CCSER1: variants seen among roughly 807,000 people sequenced by gnomAD.
CCSER1 encodes the protein coiled-coil serine rich protein 1.
CCSER1 carries 41 observed loss-of-function variants against 82.0 expected under a neutral mutation model. The ratio of observed to expected loss-of-function variants is 0.50; its 90% CI spans 0.39 to 0.65. CCSER1 has a LOEUF of 0.65. Among genes scored for constraint, CCSER1 ranks in the 30% least tolerant of loss-of-function variants. The probability of loss-of-function intolerance (pLI) is 0.00; values close to 1 mark genes in which losing one functional copy is unlikely to be tolerated. For synonymous variants in CCSER1, 414 were observed against 383.9 expected, an observed-to-expected ratio of 1.08 and a Z score of -0.92; for missense variants, 1,119 against 1,064.2, an observed-to-expected ratio of 1.05 and a Z score of -0.72.
chr4:91,146,495 G>C (rs1408665632), intron 10 of CCSER1, among the ~76,000 whole-genome samples: 1 of 152,084 alleles, frequency 6.6e-6, no homozygotes, highest in East Asian at 1.9e-4. Context: ...GAATCACTCA[G>C]GCTTTTTGAA....
chr4:91,057,351 G>T (rs923933869), intron 9 of CCSER1, among the ~76,000 whole-genome samples: 1 of 152,166 alleles, frequency 6.6e-6, no homozygotes, highest in Non-Finnish European at 1.5e-5. Flanking sequence ...TTCTCTCAGT[G>T]TAATTGTTGT....
chr4:90,489,789 G>C, intron 5 of CCSER1, among the ~76,000 whole-genome samples: 1 of 151,964 alleles, frequency 6.6e-6, no homozygotes, highest in Admixed American at 6.6e-5. Flanking sequence ...TTTTGTCCTT[G>C]CGATAGTTTG....
At chr4:91,302,805 C>T (rs1744770432) in intron 10 of CCSER1, among the ~76,000 whole-genome samples, 1 of 85,178 alleles carries the variant, frequency 1.2e-5, no homozygotes, top group Non-Finnish European at 2.3e-5. Flanking sequence ...ATTTTTTTCC[C>T]CTAGATCTTT....
intron 9 of CCSER1, among the ~76,000 whole-genome samples, chr4:91,051,869 ACAGGCAAAACAACT>A (rs1342076123): frequency 1.4e-3 from 215 of 152,248 alleles, no homozygotes; most frequent in African/African-American, 5.0e-3. Context: ...CAAATGTAAG[ACAGGCAAAACAACT>A]TACTAGCAGT....
At chr4:90,774,945 G>A (rs17245295) in intron 7 of CCSER1, among the ~76,000 whole-genome samples, 88,618 of 151,946 alleles carry the variant, frequency 0.58, 26,139 homozygotes, top group African/African-American at 0.66. Flanking sequence ...CTATCATGAA[G>A]TCAGACTTAA....
intron 6 of CCSER1, among the ~76,000 whole-genome samples, chr4:90,710,727 C>A (rs1278930368): frequency 1.3e-5 from 2 of 152,126 alleles, no homozygotes; most frequent in Non-Finnish European, 2.9e-5. Context: ...GATTTGATTA[C>A]TTAAGCCTTG....
chr4:90,934,641 G>A (rs1730691688), intron 9 of CCSER1, among the ~76,000 whole-genome samples: 2 of 152,034 alleles, frequency 1.3e-5, no homozygotes, highest in African/African-American at 4.8e-5. Context: ...TAAAAATTGG[G>A]GGACTATCTG....
chr4:90,923,384 T>C lies in CCSER1; in HGVS notation c.2109T>C (p.His703=), dbSNP rs1475215056. The C allele has an allele frequency of 1.3e-6, 2 of 1,551,420 alleles. No homozygotes were observed. Among genetic ancestry groups the C allele is most frequent in the Admixed American group, 3.9e-5 (2 of 50,990 alleles). ...QLQEELGKVR[H]LQKAFASRVD... The stretch of plus-strand genomic sequence containing the variant: ...TCATTTTGCAGGGAAAAGTCCGGCA[T>C]TTACAGAAGGCTTTTGCTTCAAGAG... The change falls in exon 9 of 11, where the codon CAT becomes CAC. Residue 703 remains histidine, a synonymous_variant. Transcript: ENST00000509176.
chr4:90,179,663 G>A (rs1426307386), intron 1 of CCSER1, among the ~76,000 whole-genome samples: 3 of 152,236 alleles, frequency 2.0e-5, no homozygotes, highest in African/African-American at 2.4e-5. Context: ...GATTACAGGC[G>A]TGAGCCATCA....
chr4:90,365,242 G>A (rs904660002), intron 3 of CCSER1, among the ~76,000 whole-genome samples: 1 of 151,662 alleles, frequency 6.6e-6, no homozygotes, highest in Non-Finnish European at 1.5e-5. Flanking sequence ...AATACATAAG[G>A]TTAATACAGA....
intron 10 of CCSER1, among the ~76,000 whole-genome samples, chr4:91,293,725 T>A (rs953596012): frequency 5.3e-4 from 81 of 151,980 alleles, no homozygotes; most frequent in African/African-American, 1.3e-3. Context: ...GATTTTTTTT[T>A]AACTTTTATT....
At chr4:90,131,003 A>T (rs572305569) in intron 1 of CCSER1, among the ~76,000 whole-genome samples, 10 of 149,572 alleles carry the variant, frequency 6.7e-5, no homozygotes, top group East Asian at 6.2e-4. Flanking sequence ...TTTGTTTGTT[A>T]GTTTGTTTTT....
At chr4:91,114,147 C>G (rs1424697169) in intron 10 of CCSER1, among the ~76,000 whole-genome samples, 1 of 152,164 alleles carries the variant, frequency 6.6e-6, no homozygotes, top group Non-Finnish European at 1.5e-5. Flanking sequence ...CCACCATGCC[C>G]AGCCAATAGC....
intron 10 of CCSER1, among the ~76,000 whole-genome samples, chr4:91,545,713 A>G (rs1313074650): frequency 6.6e-6 from 1 of 152,054 alleles, no homozygotes; most frequent in Non-Finnish European, 1.5e-5. Context: ...TACTCCGTAG[A>G]TAATCATGTT....
At chr4:90,864,207 A>G (rs1319870162) in intron 8 of CCSER1, among the ~76,000 whole-genome samples, 2 of 151,788 alleles carry the variant, frequency 1.3e-5, no homozygotes, top group African/African-American at 4.8e-5. Context: ...TGAGTGCTCT[A>G]TGCTTGCTTT....
Position 90,669,817 on chromosome 4 carries a change from A to G in CCSER1, c.1932+41585A>G, listed in dbSNP as rs188931879. 1.5e-4 allele frequency among the ~76,000 whole-genome samples: 23 copies of G among 152,258 alleles called. No homozygotes were observed. In the East Asian group the frequency reaches 4.4e-3, roughly 29 times the overall value. On this transcript the variant is annotated intron_variant, in intron 6 of 10. Coordinates refer to ENST00000509176, the MANE Select transcript of CCSER1 (RefSeq NM_001145065.2). Reference sequence around the variant, plus strand: ...ATACTCATGCACTTACATGCTTTTAATATAAGTTCAATGAGAAAAAAGAGC... The same window carrying G: ...ATACTCATGCACTTACATGCTTTTAGTATAAGTTCAATGAGAAAAAAGAGC...
chr4:90,675,382 A>G (rs575143194), intron 6 of CCSER1, among the ~76,000 whole-genome samples: 220 of 151,722 alleles, frequency 1.5e-3, no homozygotes, highest in African/African-American at 5.0e-3. Flanking sequence ...ATTCTATATT[A>G]CTATATGTCT....
At position 91,260,757 on chromosome 4, in the gene CCSER1, TA is replaced by T. The variant is rs1415735090; in HGVS notation, c.2217+174764del. Among the ~76,000 whole-genome samples, 73 of 150,782 alleles carry T rather than the reference TA, an allele frequency of 4.8e-4. No homozygotes were observed. The East Asian group carries it at 0.01, about 21-fold the overall frequency. On this transcript the variant is annotated intron_variant, in intron 10 of 10. Transcript: ENST00000509176. ...CTAGGAAGTTTTTTATTTATTTATT[TA>T]TTTATTTTTTTATTTTTTTTGAGAG...
chr4:90,720,992 GT>G (rs143527082), intron 6 of CCSER1, among the ~76,000 whole-genome samples: 1 of 151,874 alleles, frequency 6.6e-6, no homozygotes, highest in Non-Finnish European at 1.5e-5. Flanking sequence ...AAATGAAAGA[GT>G]TTTTTAATAA....
Sources: allele counts gnomAD v4.1 joint callset (sites outside exome capture counted in the v4.1 genomes callset), GRCh38; gene constraint gnomAD v4.1.1; transcripts MANE v1.5; gene names NCBI Gene and HGNC (gene_info 2026-07-23, HGNC 2026-07-21).